Variants in ADGRL3 observed in about 807,000 individuals in gnomAD.
ADGRL3 encodes the protein adhesion G protein-coupled receptor L3.
In ADGRL3, 62 loss-of-function variants were observed where a neutral mutation model predicts 153.5. The observed-to-expected ratio is 0.40, with a 90% confidence interval of 0.33 to 0.50. The LOEUF (loss-of-function observed/expected upper bound fraction) is 0.50. ADGRL3 is among the 20% of genes least tolerant of loss of function. The probability of loss-of-function intolerance (pLI) is 0.47; values close to 1 mark genes in which losing one functional copy is unlikely to be tolerated. For missense variants in ADGRL3, 1,641 were observed against 1,859.4 expected, an observed-to-expected ratio of 0.88 and a Z score of 2.16; for synonymous variants, 710 against 672.5, an observed-to-expected ratio of 1.06 and a Z score of -0.86.
At chr4:61,412,585 T>A (rs1280012208) in intron 2 of ADGRL3, among the ~76,000 whole-genome samples, 1 of 152,208 alleles carries the variant, frequency 6.6e-6, no homozygotes, top group Admixed American at 6.5e-5. Flanking sequence ...GTAAATCTTT[T>A]GTTGTAGTTT....
chr4:61,779,103 C>T (rs1332395051), intron 8 of ADGRL3, among the ~76,000 whole-genome samples: 1 of 151,614 alleles, frequency 6.6e-6, no homozygotes, highest in Non-Finnish European at 1.5e-5. Flanking sequence ...GAATGTTTTA[C>T]TACAATGTTA....
At chr4:61,240,950 C>T (rs1274794155) in intron 1 of ADGRL3, among the ~76,000 whole-genome samples, 1 of 151,774 alleles carries the variant, frequency 6.6e-6, no homozygotes, top group Admixed American at 6.6e-5. Flanking sequence ...GCTATGATAT[C>T]TAGTTGTAAT....
chr4:61,450,913 G>T (rs1161124487), intron 2 of ADGRL3, among the ~76,000 whole-genome samples: 1 of 151,924 alleles, frequency 6.6e-6, no homozygotes, highest in Non-Finnish European at 1.5e-5. Context: ...ATATAAAAAA[G>T]ATTTTGATTA....
chr4:61,214,686 G>A (rs372985531), intron 1 of ADGRL3, among the ~76,000 whole-genome samples: 3 of 152,198 alleles, frequency 2.0e-5, no homozygotes, highest in African/African-American at 4.8e-5. Context: ...CTATAATCCC[G>A]GTACTTTGGG....
At chr4:61,353,018 C>T (rs982504759) in intron 1 of ADGRL3, among the ~76,000 whole-genome samples, 2 of 151,990 alleles carry the variant, frequency 1.3e-5, no homozygotes, top group Admixed American at 6.6e-5. Flanking sequence ...GCCCGAGGTT[C>T]GAAAATCCTA....
At chr4:61,696,670 CTTT>C (rs34306284) in intron 6 of ADGRL3, among the ~76,000 whole-genome samples, 9 of 102,002 alleles carry the variant, frequency 8.8e-5, no homozygotes, top group African/African-American at 2.8e-4. Flanking sequence ...TTTTTTTAAC[CTTT>C]TTTTTTTTTT....
At chr4:61,631,203 C>T (rs562245728) in intron 5 of ADGRL3, among the ~76,000 whole-genome samples, 225 of 152,210 alleles carry the variant, frequency 1.5e-3, no homozygotes, top group Admixed American at 2.4e-3. Flanking sequence ...TCTCCGTAAT[C>T]CTGACTTCAC....
chr4:61,963,011 C>T (rs72640005), intron 17 of ADGRL3, among the ~76,000 whole-genome samples: 2 of 152,130 alleles, frequency 1.3e-5, no homozygotes, highest in Non-Finnish European at 2.9e-5. Context: ...TGGGAAAGAG[C>T]TTTACCTGGA....
intron 21 of ADGRL3, among the ~76,000 whole-genome samples, chr4:62,023,184 CT>C (rs1242416283): frequency 3.9e-5 from 6 of 152,062 alleles, no homozygotes; most frequent in Non-Finnish European, 8.8e-5. Flanking sequence ...GAGTTCAAGA[CT>C]TTAGTGGAGG....
chr4:61,413,273 A>G (rs1182293559), intron 2 of ADGRL3, among the ~76,000 whole-genome samples: 1 of 152,110 alleles, frequency 6.6e-6, no homozygotes, highest in African/African-American at 2.4e-5. Context: ...ACCTCCACTG[A>G]TACCCGGGGT....
intron 6 of ADGRL3, among the ~76,000 whole-genome samples, chr4:61,680,810 C>T (rs80238135): frequency 0.015 from 2,207 of 152,016 alleles, 21 homozygotes; most frequent in Non-Finnish European, 0.021. Flanking sequence ...CTTATTTTTC[C>T]GAGTCACTGA....
At chr4:61,351,409 T>C (rs1351455949) in intron 1 of ADGRL3, among the ~76,000 whole-genome samples, 1 of 152,198 alleles carries the variant, frequency 6.6e-6, no homozygotes, top group Non-Finnish European at 1.5e-5. Flanking sequence ...GCTAAGATCA[T>C]TGATGAAGGT....
chr4:62,000,433 A>G (rs2099136117), intron 21 of ADGRL3, among the ~76,000 whole-genome samples: 2 of 151,960 alleles, frequency 1.3e-5, no homozygotes, highest in Non-Finnish European at 2.9e-5. Flanking sequence ...TTATGATATC[A>G]TTGTTTAGAA....
chr4:61,476,086 G>A (rs916981255), intron 2 of ADGRL3, among the ~76,000 whole-genome samples: 1 of 152,092 alleles, frequency 6.6e-6, no homozygotes, highest in Non-Finnish European at 1.5e-5. Flanking sequence ...CAGATATTCT[G>A]TTGCACAACA....
At chr4:61,842,372 A>AT (rs2098045928) in intron 9 of ADGRL3, among the ~76,000 whole-genome samples, 1 of 152,148 alleles carries the variant, frequency 6.6e-6, no homozygotes, top group Non-Finnish European at 1.5e-5. Flanking sequence ...TGACTAATAA[A>AT]TTTTTTAGCG....
chr4:62,028,396 G>C (rs111515352), intron 21 of ADGRL3, among the ~76,000 whole-genome samples: 10 of 151,682 alleles, frequency 6.6e-5, no homozygotes, highest in African/African-American at 2.4e-4. Context: ...TCATCTCCAA[G>C]TTAAAATTAC....
intron 8 of ADGRL3, among the ~76,000 whole-genome samples, chr4:61,775,200 A>G (rs987984606): frequency 7.3e-5 from 11 of 150,838 alleles, no homozygotes; most frequent in Non-Finnish European, 1.3e-4. Context: ...GACTTGCCAG[A>G]TGGTCTGGAT....
At chr4:62,029,689 T>C (rs1403517650) in intron 22 of ADGRL3, among the ~76,000 whole-genome samples, 1 of 140,574 alleles carries the variant, frequency 7.1e-6, no homozygotes, top group African/African-American at 2.6e-5. Context: ...ATGCTTCTGC[T>C]TTCCTTCTTT....
rs571555543 is a variant in ADGRL3 at position 61,744,169 on chromosome 4, C to T, written c.1399+10615C>T. Among the ~76,000 whole-genome samples the T allele has an allele frequency of 2.0e-3, 302 of 152,292 alleles. 1 individual carries two copies. Among genetic ancestry groups the T allele is most frequent in the African/African-American group, 6.8e-3 (282 of 41,570 alleles). On this transcript the variant is annotated intron_variant, in intron 8 of 26. Transcript: ENST00000683033. The stretch of plus-strand genomic sequence containing the variant: ...GCAGCGAGGCTGGGGGAGGGGCACC[C>T]ACCATTGCCCAGGCTAGCTTAGGTA...
Sources: allele counts gnomAD v4.1 joint callset (sites outside exome capture counted in the v4.1 genomes callset), GRCh38; gene constraint gnomAD v4.1.1; transcripts MANE v1.5; gene names NCBI Gene and HGNC (gene_info 2026-07-23, HGNC 2026-07-21).